Variants in SORL1 observed in about 807,000 individuals in gnomAD.
The protein encoded by SORL1 is sortilin related receptor 1.
Under a neutral mutation model 273.7 loss-of-function variants are expected in SORL1, and 127 were observed. The ratio of observed to expected loss-of-function variants is 0.46; its 90% CI spans 0.40 to 0.54. The LOEUF is 0.54. Among genes scored for constraint, SORL1 ranks in the 20% least tolerant of loss-of-function variants. The probability of loss-of-function intolerance (pLI) is 0.00; values close to 1 mark genes in which losing one functional copy is unlikely to be tolerated. For missense variants in SORL1, 2,494 were observed against 2,846.1 expected, an observed-to-expected ratio of 0.88 and a Z score of 2.81; for synonymous variants, 1,031 against 1,067.4, an observed-to-expected ratio of 0.97 and a Z score of 0.66.
Position 121,557,222 on chromosome 11 carries a change from T to G in SORL1, c.2572-92T>G, listed in dbSNP as rs1862601039. On this transcript the variant is annotated intron_variant, in intron 18 of 47. Transcript: ENST00000260197. The stretch of plus-strand genomic sequence containing the variant: ...AATAGGCAGGCATGGAGGGGGCATG[T>G]CTGTAGCAGAAGCTGAGTAGCCATC... 9 of 910,214 alleles carry G rather than the reference T, an allele frequency of 9.9e-6. 1 individual carries two copies. The South Asian group carries it at 1.2e-4, about 12-fold the overall frequency. The allele number at this position is 910,214 out of a possible 1,614,324, so 56.4% of individuals were successfully genotyped here.
At chr11:121,538,867 C>T (rs1292913586) in intron 12 of SORL1, among the ~76,000 whole-genome samples, 6 of 151,892 alleles carry the variant, frequency 4.0e-5, no homozygotes, top group Admixed American at 1.3e-4. Flanking sequence ...TTAGTAGAGG[C>T]GGGGTTTCAC....
At chr11:121,538,368 G>T (rs1407965239) in intron 12 of SORL1, among the ~76,000 whole-genome samples, 1 of 152,016 alleles carries the variant, frequency 6.6e-6, no homozygotes, top group Non-Finnish European at 1.5e-5. Flanking sequence ...CCAATTACAG[G>T]CAACCACTGG....
rs149124473 is a variant in SORL1 at position 121,632,418 on chromosome 11, C to G, written c.*2855C>G. 1.3e-5 allele frequency: 2 copies of G among 152,236 alleles called. No homozygotes were observed. Among genetic ancestry groups the G allele is most frequent in the Admixed American group, 6.5e-5 (1 of 15,280 alleles). 9.4% of individuals were successfully genotyped at this position (152,236 alleles called of 1,614,324 possible). ...GACAGGTGAGAAGCTCCAGGAACTA[C>G]TGGCTACCTTGACAAGCTGGGTAAA... is the stretch of plus-strand genomic sequence containing the variant. On this transcript the variant is annotated 3_prime_UTR_variant, in exon 48 of 48. Coordinates refer to ENST00000260197, the MANE Select transcript of SORL1 (RefSeq NM_003105.6).
Position 121,462,105 on chromosome 11 carries a change from G to A in SORL1, c.286-7902G>A, listed in dbSNP as rs147237637. The stretch of plus-strand genomic sequence containing the variant: ...GAGAGAACAAGACTCAAACCAACCC[G>A]CTAACTTGTTTCAGATTTATGCAGG... On this transcript the variant is annotated intron_variant, in intron 1 of 47. Coordinates refer to ENST00000260197, the MANE Select transcript of SORL1 (RefSeq NM_003105.6). Among the ~76,000 whole-genome samples the A allele has an allele frequency of 2.1e-4, 32 of 152,224 alleles. No individual in the cohort carries two copies. The East Asian group carries it at 6.0e-3, about 28-fold the overall frequency.
intron 1 of SORL1, among the ~76,000 whole-genome samples, chr11:121,467,030 C>CTTTTTTTT (rs58596501): frequency 8.8e-5 from 11 of 125,290 alleles, no homozygotes; most frequent in East Asian, 4.6e-4. Context: ...TTCTTTTTTT[C>CTTTTTTTT]TTTTTTTTTT....
chr11:121,523,641 T>A (rs1431823155), intron 11 of SORL1, among the ~76,000 whole-genome samples: 2 of 151,234 alleles, frequency 1.3e-5, no homozygotes, highest in African/African-American at 4.9e-5. Flanking sequence ...GTTGCCAGCC[T>A]CCCATTGATT....
At chr11:121,558,859 G>T in intron 20 of SORL1, 22 bp downstream of exon 20, 2 of 1,613,274 alleles carry the variant, frequency 1.2e-6, no homozygotes, top group Non-Finnish European at 1.7e-6. Flanking sequence ...TGTTGCTGCC[G>T]GACAGTCTGC....
At chr11:121,519,930 G>A (rs1330686063) in intron 8 of SORL1, among the ~76,000 whole-genome samples, 1 of 152,126 alleles carries the variant, frequency 6.6e-6, no homozygotes, top group Non-Finnish European at 1.5e-5. Flanking sequence ...GACCCTAAAA[G>A]TTGAAAAGAA....
At chr11:121,571,860 A>G (rs1416066811) in intron 23 of SORL1, among the ~76,000 whole-genome samples, 1 of 152,214 alleles carries the variant, frequency 6.6e-6, no homozygotes, top group Non-Finnish European at 1.5e-5. Flanking sequence ...GGAAAGCACT[A>G]GCCTCTCTGT....
intron 2 of SORL1, among the ~76,000 whole-genome samples, chr11:121,471,095 C>T (rs1048743325): frequency 2.0e-4 from 31 of 152,194 alleles, no homozygotes; most frequent in African/African-American, 6.8e-4. Context: ...TGGAGATGCA[C>T]ATTCAAGAAA....
At chr11:121,608,380 T>G in intron 38 of SORL1, 1 of 560,452 alleles carries the variant, frequency 1.8e-6, no homozygotes, top group Non-Finnish European at 3.2e-6. Flanking sequence ...TTTTTCCTCC[T>G]AGTATTGAGC....
intron 8 of SORL1, among the ~76,000 whole-genome samples, chr11:121,518,858 G>C (rs1861991381): frequency 6.6e-6 from 1 of 152,156 alleles, no homozygotes; most frequent in South Asian, 2.1e-4. Context: ...TGTGGAGATG[G>C]TTGATGGAGG....
chr11:121,586,693 T>TGGGGGGGGGGG (rs376563096), intron 27 of SORL1, among the ~76,000 whole-genome samples: 2 of 97,158 alleles, frequency 2.1e-5, no homozygotes, highest in Non-Finnish European at 4.1e-5. Flanking sequence ...GGGGGTAGAG[T>TGGGGGGGGGGG]GGGGGGGGGG....
Position 121,627,388 on chromosome 11 carries a change from G to A in SORL1, c.6365-167G>A. 1 of 626,424 alleles carries A rather than the reference G, an allele frequency of 1.6e-6. No homozygotes were observed. The highest frequency in any genetic ancestry group is 2.8e-6 in the Non-Finnish European group (1 of 351,590). 38.8% of individuals were successfully genotyped at this position (626,424 alleles called of 1,614,324 possible). A position where few individuals can be genotyped will look rare whatever the true frequency, so the allele number is the denominator to read the frequency against. ...CTATCAGCTCATGGCAAGTAGTGGG[G>A]AAGCAATCAGGCATCACGCACATGC... On this transcript the variant is annotated intron_variant, in intron 46 of 47. Transcript: ENST00000260197. The surrounding 1 kb of genome is among the most constrained non-coding windows in gnomAD (Gnocchi z 4.9).
chr11:121,557,609 T>G (rs550200544), intron 19 of SORL1, among the ~76,000 whole-genome samples: 21 of 152,324 alleles, frequency 1.4e-4, no homozygotes, highest in African/African-American at 5.1e-4. Context: ...TCAGAGTCTC[T>G]TTAGGCATCC....
intron 4 of SORL1, among the ~76,000 whole-genome samples, chr11:121,488,467 G>A (rs921280816): frequency 6.6e-6 from 1 of 152,146 alleles, no homozygotes; most frequent in Non-Finnish European, 1.5e-5. Flanking sequence ...TTGCACCTTT[G>A]TTAGCCCTTG....
At chr11:121,501,933 C>T (rs1002035944) in intron 6 of SORL1, among the ~76,000 whole-genome samples, 1 of 152,048 alleles carries the variant, frequency 6.6e-6, no homozygotes, top group African/African-American at 2.4e-5. Context: ...TAATGGCTGA[C>T]TAGTATTGTA....
At chr11:121,609,293 G>A (rs1863525215) in intron 38 of SORL1, 1 of 152,236 alleles carries the variant, frequency 6.6e-6, no homozygotes. Flanking sequence ...AGGGCCCAAG[G>A]CGGCCAAACG....
intron 23 of SORL1, among the ~76,000 whole-genome samples, chr11:121,573,719 A>G (rs1862882646): frequency 6.6e-6 from 1 of 152,242 alleles, no homozygotes; most frequent in Non-Finnish European, 1.5e-5. Context: ...GGAGATTAAA[A>G]TTAATTTCCC....
Sources: gnomAD v4.1 joint callset for allele counts (sites outside exome capture counted in the v4.1 genomes callset) on GRCh38, gnomAD v4.1.1 for gene constraint, Gnocchi (gnomAD v3.1) non-coding constraint, MANE v1.5 for transcripts, NCBI Gene and HGNC (gene_info 2026-07-23, HGNC 2026-07-21) for gene names.